Variants in DYNC1I1 observed in about 807,000 individuals in gnomAD.
DYNC1I1 encodes cytoplasmic dynein 1 intermediate chain 1.
DYNC1I1 carries 43 observed loss-of-function variants against 86.6 expected under a neutral mutation model. The ratio of observed to expected loss-of-function variants is 0.50; its 90% CI spans 0.39 to 0.64. The LOEUF (loss-of-function observed/expected upper bound fraction) is 0.64. DYNC1I1 is among the 30% of genes least tolerant of loss of function. The probability of loss-of-function intolerance (pLI) is 0.00; values close to 1 mark genes in which losing one functional copy is unlikely to be tolerated. For missense variants in DYNC1I1, 604 were observed against 788.8 expected (o/e 0.77, Z 2.81); for synonymous variants, 262 against 283.7 (o/e 0.92, Z 0.77).
intron 6 of DYNC1I1, among the ~76,000 whole-genome samples, chr7:95,896,069 G>C (rs1790875438): frequency 6.6e-6 from 1 of 152,298 alleles, no homozygotes; most frequent in African/African-American, 2.4e-5. Context: ...ACAAATTATA[G>C]CAGAAGCTGG....
chr7:96,064,487 C>G (rs772993707), intron 14 of DYNC1I1, among the ~76,000 whole-genome samples: 2 of 152,124 alleles, frequency 1.3e-5, no homozygotes, highest in Non-Finnish European at 1.5e-5. Flanking sequence ...TAGCAGTTTC[C>G]TGATCTTTTC....
chr7:95,871,512 G>A (rs999230948), intron 6 of DYNC1I1, among the ~76,000 whole-genome samples: 1 of 152,166 alleles, frequency 6.6e-6, no homozygotes, highest in Non-Finnish European at 1.5e-5. Context: ...TGCTGCCAGA[G>A]GTATTTGCAG....
intron 5 of DYNC1I1, among the ~76,000 whole-genome samples, chr7:95,851,158 C>T (rs185358210): frequency 1.5e-3 from 235 of 152,014 alleles, no homozygotes; most frequent in African/African-American, 5.3e-3. Flanking sequence ...TGGTCTCAAA[C>T]CCCTGGCCTC....
chr7:96,006,783 C>T (rs1313841407), intron 10 of DYNC1I1, among the ~76,000 whole-genome samples: 2 of 152,194 alleles, frequency 1.3e-5, no homozygotes, highest in South Asian at 2.1e-4. Context: ...GATATGACAG[C>T]TGCTGATTTG....
At chr7:96,000,653 A>G (rs968034618) in intron 10 of DYNC1I1, among the ~76,000 whole-genome samples, 4 of 152,214 alleles carry the variant, frequency 2.6e-5, no homozygotes, top group African/African-American at 9.6e-5. Flanking sequence ...ATCAAACAGC[A>G]GGAATTTCAT....
At chr7:95,954,915 C>CCAAAA (rs1792666339) in intron 6 of DYNC1I1, among the ~76,000 whole-genome samples, 1 of 81,876 alleles carries the variant, frequency 1.2e-5, no homozygotes, top group African/African-American at 4.7e-5. Flanking sequence ...GACTCTGTCT[C>CCAAAA]AAAAAAAAAA....
chr7:95,946,155 G>A lies in DYNC1I1; in HGVS notation c.491-31357G>A, dbSNP rs565335637. 2.6e-4 allele frequency among the ~76,000 whole-genome samples: 39 copies of A among 152,104 alleles called. 3 individuals are homozygous for A. The highest frequency in any genetic ancestry group is 9.4e-4 in the African/African-American group (39 of 41,508). ...CAACACACACTGGGGCCTGTCAGGG[G>A]GGCAGGGGGAGGGAGAGCATCAGGA... is the stretch of plus-strand genomic sequence containing the variant. On this transcript the variant is annotated intron_variant, in intron 6 of 16. Coordinates refer to ENST00000447467, the MANE Select transcript of DYNC1I1 (RefSeq NM_001135556.2).
intron 1 of DYNC1I1, 139 bp from the exon 2 acceptor site, chr7:95,804,582 A>T (rs1051198426): frequency 9.7e-7 from 1 of 1,031,190 alleles, no homozygotes; most frequent in Non-Finnish European, 1.3e-6. Flanking sequence ...ATTCTTTCAC[A>T]TAGGCTAAAT....
intron 6 of DYNC1I1, among the ~76,000 whole-genome samples, chr7:95,965,535 T>C (rs1792988425): frequency 6.6e-6 from 1 of 151,866 alleles, no homozygotes; most frequent in South Asian, 2.1e-4. Context: ...CCAAGGAGAG[T>C]AATTCTGTTA....
At chr7:96,015,572 ATT>A (rs1472127663) in intron 10 of DYNC1I1, among the ~76,000 whole-genome samples, 1 of 151,906 alleles carries the variant, frequency 6.6e-6, no homozygotes. Context: ...TTGGTTTGTT[ATT>A]TTGTCCTTTT....
chr7:95,802,152 G>A (rs1012129573), intron 1 of DYNC1I1, among the ~76,000 whole-genome samples: 1 of 151,788 alleles, frequency 6.6e-6, no homozygotes, highest in African/African-American at 2.4e-5. Context: ...ATTCTGCCCA[G>A]AAGTCCCACT....
At chr7:96,096,331 T>C (rs1351463258) in intron 16 of DYNC1I1, among the ~76,000 whole-genome samples, 1 of 152,108 alleles carries the variant, frequency 6.6e-6, no homozygotes, top group Non-Finnish European at 1.5e-5. Flanking sequence ...CATTAAAAAA[T>C]ATATTAATTG....
chr7:95,986,956 A>G (rs1390824510), intron 8 of DYNC1I1, 100 bp from the exon 9 acceptor site: 4 of 1,013,702 alleles, frequency 3.9e-6, no homozygotes, highest in East Asian at 2.4e-5. Flanking sequence ...TTTTGGCCTC[A>G]GAGAGTATTG....
Position 96,082,960 on chromosome 7 carries a change from T to C in DYNC1I1, c.1776+2472T>C, listed in dbSNP as rs1330158847. ...TACTTTTCTAAGTGATATTACAGAC[T>C]ATAGAAATGTCTGCAACTATAGGCC... is the stretch of plus-strand genomic sequence containing the variant. On this transcript the variant is annotated intron_variant, in intron 16 of 16. Coordinates refer to ENST00000447467, the MANE Select transcript of DYNC1I1 (RefSeq NM_001135556.2). Among the ~76,000 whole-genome samples the C allele has an allele frequency of 2.6e-5, 4 of 152,174 alleles. No individual in the cohort carries two copies. The South Asian group carries it at 8.3e-4, about 32-fold the overall frequency.
At chr7:96,014,603 A>C (rs1218415528) in intron 10 of DYNC1I1, among the ~76,000 whole-genome samples, 3 of 152,224 alleles carry the variant, frequency 2.0e-5, no homozygotes, top group African/African-American at 7.2e-5. Flanking sequence ...GGATCTAATC[A>C]AATGGGGCTC....
chr7:95,909,824 T>C (rs1490062751), intron 6 of DYNC1I1, among the ~76,000 whole-genome samples: 1 of 152,180 alleles, frequency 6.6e-6, no homozygotes, highest in Non-Finnish European at 1.5e-5. Flanking sequence ...CAGCATCTGG[T>C]TGCTCTTGAG....
intron 6 of DYNC1I1, among the ~76,000 whole-genome samples, chr7:95,874,777 G>C (rs1790264762): frequency 6.6e-6 from 1 of 152,198 alleles, no homozygotes; most frequent in Admixed American, 6.5e-5. Flanking sequence ...GAACTGGCTG[G>C]CACCTTGATC....
chr7:96,083,890 A>G (rs1790596917), intron 16 of DYNC1I1, among the ~76,000 whole-genome samples: 1 of 152,236 alleles, frequency 6.6e-6, no homozygotes, highest in African/African-American at 2.4e-5. Flanking sequence ...GAAAGAAGAC[A>G]AAATGCTCTT....
intron 6 of DYNC1I1, among the ~76,000 whole-genome samples, chr7:95,906,553 G>T (rs186286925): frequency 2.6e-5 from 4 of 151,150 alleles, no homozygotes; most frequent in Admixed American, 6.6e-5. Context: ...TCTCGGTGAA[G>T]GACTTATCTT....
Sources: allele counts gnomAD v4.1 joint callset (sites outside exome capture counted in the v4.1 genomes callset), GRCh38; gene constraint gnomAD v4.1.1; transcripts MANE v1.5; gene names NCBI Gene and HGNC (gene_info 2026-07-23, HGNC 2026-07-21).